THBS4: variants seen among roughly 807,000 people sequenced by gnomAD.
The protein encoded by THBS4 is thrombospondin-4.
THBS4 carries 90 observed loss-of-function variants against 115.7 expected under a neutral mutation model. That is an observed-to-expected ratio of 0.78 (90% CI 0.66 to 0.93). The LOEUF (loss-of-function observed/expected upper bound fraction) is 0.93, where lower values mean the gene tolerates loss of function less well. THBS4 is among the 40% of genes least tolerant of loss of function. The probability of loss-of-function intolerance (pLI) is 0.00; values close to 1 mark genes in which losing one functional copy is unlikely to be tolerated. For synonymous variants in THBS4, 460 were observed against 479.3 expected (o/e 0.96, Z 0.53); for missense variants, 1,087 against 1,232.7 (o/e 0.88, Z 1.77).
chr5:80,016,267 C>A (rs914365640), intron 2 of THBS4, among the ~76,000 whole-genome samples: 3 of 152,124 alleles, frequency 2.0e-5, no homozygotes, highest in African/African-American at 7.2e-5. Context: ...CTGTTTTGAC[C>A]GATTATATGT....
chr5:80,082,363 G>T (rs771203350), intron 20 of THBS4, 43 bp from the exon 21 acceptor site: 1 of 1,608,400 alleles, frequency 6.2e-7, no homozygotes, highest in African/African-American at 1.3e-5. Flanking sequence ...ACTTTACCCC[G>T]GGTTGGATTT....
intron 2 of THBS4, among the ~76,000 whole-genome samples, chr5:80,008,411 TG>T (rs1580906495): frequency 6.6e-6 from 1 of 152,126 alleles, no homozygotes; most frequent in Non-Finnish European, 1.5e-5. Flanking sequence ...CCCACATTAT[TG>T]TTTTTTTTTA....
At position 80,070,382 on chromosome 5, in the gene THBS4, T is replaced by A. The variant is rs140375723; in HGVS notation, c.1424T>A (p.Leu475Gln). Residue 475 changes from leucine (L) to glutamine (Q), a missense_variant, in exon 11 of 22, where the codon CTG (leucine) becomes CAG (glutamine). Around this residue, in one of 3 missense-constraint regions of THBS4, gnomAD observed 979 missense variants for 1,103.7 expected, o/e 0.89. Transcript: ENST00000350881. ...VDIDSYPDEE[L>Q]PCSARNCKKD... ...ATCGACAGTTACCCCGACGAAGAAC[T>A]GCCATGCTCTGCCAGGAACTGTAAA... The A allele has an allele frequency of 1.2e-5, 19 of 1,613,790 alleles. No individual in the cohort carries two copies. The African/African-American group carries it at 1.5e-4, about 12-fold the overall frequency.
chr5:80,023,691 C>A (rs1333386074), intron 2 of THBS4, among the ~76,000 whole-genome samples: 1 of 152,050 alleles, frequency 6.6e-6, no homozygotes, highest in East Asian at 1.9e-4. Context: ...GTCTATTTGG[C>A]TTATGATTGT....
intron 2 of THBS4, among the ~76,000 whole-genome samples, chr5:80,026,994 T>G (rs937226792): frequency 3.3e-5 from 5 of 152,236 alleles, no homozygotes; most frequent in African/African-American, 1.2e-4. Context: ...TAAAACTATT[T>G]GCCAAAGACC....
At position 80,040,059 on chromosome 5, in the gene THBS4, C is replaced by A. The variant is rs1288057686; in HGVS notation, c.89-18C>A. 6.2e-7 allele frequency: 1 copy of A among 1,612,574 alleles called. No individual in the cohort carries two copies. Among genetic ancestry groups the A allele is most frequent in the Non-Finnish European group, 8.5e-7 (1 of 1,178,694 alleles). On this transcript the variant is annotated intron_variant, in intron 1 of 21. Coordinates refer to ENST00000350881, the MANE Select transcript of THBS4 (RefSeq NM_003248.6). ...ATTGAATCTTTCACTTATACCCCTT[C>A]TTCTCCCTTCTTCCCAGTCTTTGAC... is the stretch of plus-strand genomic sequence containing the variant.
chr5:80,073,352 A>G (rs929334748), intron 15 of THBS4, 25 bp downstream of exon 15: 1 of 1,607,054 alleles, frequency 6.2e-7, no homozygotes. Flanking sequence ...CCAACTGCAG[A>G]GAGACAGATG....
intron 2 of THBS4, among the ~76,000 whole-genome samples, chr5:80,018,412 G>A (rs1381869632): frequency 3.3e-5 from 1 of 30,656 alleles, no homozygotes; most frequent in Non-Finnish European, 6.0e-5. Flanking sequence ...TTTTTTTTTT[G>A]AGACAGAGTT....
chr5:80,030,342 G>A (rs576080762), intron 2 of THBS4, among the ~76,000 whole-genome samples: 2 of 152,188 alleles, frequency 1.3e-5, no homozygotes, highest in African/African-American at 4.8e-5. Flanking sequence ...TGGGGCCACA[G>A]GTGGGCACCA....
intron 2 of THBS4, among the ~76,000 whole-genome samples, chr5:80,047,568 G>A (rs1281560546): frequency 6.6e-6 from 1 of 151,952 alleles, no homozygotes; most frequent in South Asian, 2.1e-4. Flanking sequence ...AGCACTTTGG[G>A]AGTCTGAGGC....
intron 2 of THBS4, among the ~76,000 whole-genome samples, chr5:80,030,330 C>G (rs1349092797): frequency 1.3e-5 from 2 of 152,036 alleles, no homozygotes; most frequent in Non-Finnish European, 2.9e-5. Context: ...CTCCCAAGTT[C>G]CTGGGGCCAC....
At position 80,035,707 on chromosome 5, in the gene THBS4, C is replaced by T; in HGVS notation, c.88+82C>T. The T allele has an allele frequency of 1.0e-6, 1 of 989,180 alleles. No homozygotes were observed. The highest frequency in any genetic ancestry group is 3.6e-5 in the South Asian group (1 of 28,074). 61.3% of individuals were successfully genotyped at this position (989,180 alleles called of 1,614,324 possible). A position where few individuals can be genotyped will look rare whatever the true frequency, so the allele number is the denominator to read the frequency against. ...AGTGAGTGGAGGGACTTGCTCGGCC[C>T]TGTGCTCCTGTGGCCTTGCTCAGCC... On this transcript the variant is annotated intron_variant, in intron 1 of 21. Transcript: ENST00000350881. This position sits in a 1 kb window ranked among gnomAD's most constrained non-coding sequence, Gnocchi z 4.6.
chr5:80,056,088 G>T, intron 3 of THBS4, 56 bp downstream of exon 3: 1 of 1,518,648 alleles, frequency 6.6e-7, no homozygotes, highest in Non-Finnish European at 8.8e-7. Flanking sequence ...AGTGCCTAGG[G>T]AGTGCAGAGG....
chr5:79,993,201 T>C (rs1311148701), intron 1 of THBS4, among the ~76,000 whole-genome samples: 1 of 152,186 alleles, frequency 6.6e-6, no homozygotes, highest in African/African-American at 2.4e-5. Context: ...TCCCTTAGTG[T>C]TGAATTGAGA....
intron 1 of THBS4, among the ~76,000 whole-genome samples, chr5:80,036,446 C>T (rs1832721918): frequency 6.6e-6 from 1 of 152,172 alleles, no homozygotes; most frequent in Non-Finnish European, 1.5e-5. Flanking sequence ...TCACTAGAAG[C>T]TCAAATCCCA....
At chr5:80,074,184 T>C (rs1743071305) in intron 15 of THBS4, 1 of 152,216 alleles carries the variant, frequency 6.6e-6, no homozygotes, top group South Asian at 2.1e-4. Context: ...CATCCCAAAA[T>C]AGAAGGCTGT....
In THBS4 at chr5:80,058,787, G is replaced by A. The variant is rs1833519544; in HGVS notation, c.729G>A (p.Gln243=). Residue 243 remains glutamine, a synonymous_variant, in exon 5 of 22, where the codon CAG becomes CAA. Transcript: ENST00000350881. ...GAGAGGTGAAGGACCTTCTGAGACA[G>A]CAGGTAACAAGCGGGACATATCATC... The part of the protein sequence containing the change: ...LLGEVKDLLR[Q]QVKETSFLRN... 2 of 1,613,514 alleles carry A rather than the reference G, an allele frequency of 1.2e-6. No individual in the cohort carries two copies. Among genetic ancestry groups the A allele is most frequent in the Non-Finnish European group, 1.7e-6 (2 of 1,179,760 alleles).
At chr5:80,068,277 G>A (rs1309261794) in intron 10 of THBS4, 152 bp downstream of exon 10, 11 of 970,056 alleles carry the variant, frequency 1.1e-5, no homozygotes, top group South Asian at 5.2e-5. Flanking sequence ...AGGGTCCACC[G>A]AGTTTGTGGG....
At chr5:80,061,952 T>C (rs1239909153) in intron 8 of THBS4, 120 bp downstream of exon 8, 3 of 1,124,440 alleles carry the variant, frequency 2.7e-6, no homozygotes, top group African/African-American at 3.1e-5. Flanking sequence ...TGGAATGTCA[T>C]GGTGCAAAAT....
Sources: gnomAD v4.1 joint callset for allele counts (sites outside exome capture counted in the v4.1 genomes callset) on GRCh38, gnomAD v4.1.1 for gene constraint, gnomAD v4.1.1 regional missense constraint, Gnocchi (gnomAD v3.1) non-coding constraint, MANE v1.5 for transcripts, NCBI Gene and HGNC (gene_info 2026-07-23, HGNC 2026-07-21) for gene names.